Variants in DNAH6 observed in about 807,000 individuals in gnomAD.
The protein encoded by DNAH6 is axonemal beta dynein heavy chain 6.
In DNAH6, 340 loss-of-function variants were observed where a neutral mutation model predicts 491.4. The ratio of observed to expected loss-of-function variants is 0.69; its 90% CI spans 0.63 to 0.76. The LOEUF is 0.76. Among genes scored for constraint, DNAH6 ranks in the 30% least tolerant of loss-of-function variants. DNAH6 has a pLI of 0.00. For synonymous variants in DNAH6, 1,603 were observed against 1,686.1 expected (o/e 0.95, Z 1.21); for missense variants, 4,443 against 4,972.2 (o/e 0.89, Z 3.20).
the DNAH6 span, among the ~76,000 whole-genome samples, chr2:84,489,695 G>C: frequency 1.8e-5 from 2 of 112,858 alleles, no homozygotes; most frequent in Non-Finnish European, 3.9e-5. Context: ...GAACTTGCTA[G>C]AATTCACTCT....
the DNAH6 span, among the ~76,000 whole-genome samples, chr2:84,484,760 A>G: frequency 1.3e-5 from 2 of 152,198 alleles, no homozygotes; most frequent in Non-Finnish European, 2.9e-5. Flanking sequence ...GTTTAGTCAC[A>G]TCAGCAAGTC....
In DNAH6 at chr2:84,611,661, A is replaced by G; in HGVS notation, c.3295-13A>G. 6.5e-7 allele frequency: 1 copy of G among 1,545,730 alleles called. No individual in the cohort carries two copies. Among genetic ancestry groups the G allele is most frequent in the South Asian group, 1.2e-5 (1 of 83,202 alleles). ...GGAATTAAAATTTGACAGTGTCCAT[A>G]TTTTTCTCCTAGGAAGAGTGGCTGA... is the stretch of plus-strand genomic sequence containing the variant. On this transcript the variant is annotated splice_polypyrimidine_tract_variant and intron_variant, in intron 21 of 76. Transcript: ENST00000389394.
At chr2:84,810,205 T>A (rs1679826775) in intron 72 of DNAH6, among the ~76,000 whole-genome samples, 1 of 152,196 alleles carries the variant, frequency 6.6e-6, no homozygotes. Flanking sequence ...TTCATTACAT[T>A]TTTTGTAATT....
intron 12 of DNAH6, among the ~76,000 whole-genome samples, chr2:84,574,482 G>A (rs1374804770): frequency 6.6e-6 from 1 of 152,078 alleles, no homozygotes; most frequent in Admixed American, 6.6e-5. Context: ...CAGATGATTT[G>A]GCCAGGGATC....
chr2:84,642,151 C>G (rs1689477542), intron 33 of DNAH6, 97 bp downstream of exon 33: 1 of 820,590 alleles, frequency 1.2e-6, no homozygotes, highest in Admixed American at 2.8e-5. Flanking sequence ...AAGCTGAAAA[C>G]TTTCCTATCT....
At chr2:84,719,374 C>G (rs1453355739) in intron 59 of DNAH6, among the ~76,000 whole-genome samples, 1 of 152,106 alleles carries the variant, frequency 6.6e-6, no homozygotes, top group Non-Finnish European at 1.5e-5. Flanking sequence ...GTTGTACATG[C>G]CAACTCTTTA....
intron 62 of DNAH6, among the ~76,000 whole-genome samples, chr2:84,742,184 A>G (rs1253329505): frequency 6.6e-6 from 1 of 152,078 alleles, no homozygotes; most frequent in African/African-American, 2.4e-5. Context: ...CTCAAAATAC[A>G]TCTTCTAATA....
Position 84,518,024 on chromosome 2 carries a change from A to T in DNAH6, c.198A>T (p.Arg66=). The T allele has an allele frequency of 6.5e-7, 1 of 1,549,986 alleles. No homozygotes were observed. The highest frequency in any genetic ancestry group is 8.7e-7 in the Non-Finnish European group (1 of 1,146,652). Residue 66 remains arginine (R), a synonymous_variant, in exon 2 of 77, where the codon CGA becomes CGT. Transcript: ENST00000389394. ...ITKAQEKTRK[R]QQPIKLEPLP... The stretch of plus-strand genomic sequence containing the variant: ...AAGCTCAGGAGAAGACAAGAAAACG[A>T]CAGCAGCCTATAAAACTAGAGCCTT...
At chr2:84,693,429 A>G (rs1169663357) in intron 45 of DNAH6, among the ~76,000 whole-genome samples, 19 of 151,946 alleles carry the variant, frequency 1.3e-4, no homozygotes, top group Admixed American at 1.1e-3. Flanking sequence ...TCTCTCTAGT[A>G]TCATCATTGT....
At chr2:84,713,701 T>C (rs1697263476) in intron 57 of DNAH6, among the ~76,000 whole-genome samples, 1 of 152,012 alleles carries the variant, frequency 6.6e-6, no homozygotes, top group Admixed American at 6.6e-5. Context: ...GGGGCTGGGG[T>C]TGGGGGGAGG....
intron 64 of DNAH6, among the ~76,000 whole-genome samples, chr2:84,775,433 C>A (rs370473291): frequency 1.3e-5 from 2 of 152,008 alleles, no homozygotes; most frequent in African/African-American, 4.8e-5. Context: ...TGAGAATTTT[C>A]GCATCTATGT....
intron 10 of DNAH6, among the ~76,000 whole-genome samples, chr2:84,555,673 C>T (rs915396394): frequency 2.6e-5 from 4 of 152,304 alleles, no homozygotes; most frequent in African/African-American, 7.2e-5. Flanking sequence ...TTCACCTGAA[C>T]GTCCCACCAA....
chr2:84,654,533 C>T (rs1690764817), intron 34 of DNAH6, 127 bp from the exon 35 acceptor site: 1 of 1,224,694 alleles, frequency 8.2e-7, no homozygotes, highest in African/African-American at 1.5e-5. Context: ...CACTCTCTTC[C>T]ACATGAAGCC....
intron 17 of DNAH6, 44 bp downstream of exon 17, chr2:84,594,129 A>G: frequency 9.5e-7 from 1 of 1,047,610 alleles, no homozygotes. Context: ...TTTTGTATGA[A>G]TTAATCTTAA....
chr2:84,573,563 C>A lies in DNAH6; in HGVS notation c.1900C>A (p.Gln634Lys), dbSNP rs1166587280. 1 of 1,585,202 alleles carries A rather than the reference C, an allele frequency of 6.3e-7. No individual in the cohort carries two copies. The highest frequency in any genetic ancestry group is 8.5e-7 in the Non-Finnish European group (1 of 1,171,918). The stretch of plus-strand genomic sequence containing the variant: ...CAAGGAAAATGAAAGTCTTGATTTA[C>A]AAGCTCTTAAACTTCAGGAACCTGG... ...FFKENESLDL[Q>K]ALKLQEPDIN... Residue 634 changes from glutamine to lysine, a missense_variant, in exon 12 of 77, where the codon CAA (glutamine) becomes AAA (lysine). Coordinates refer to ENST00000389394, the MANE Select transcript of DNAH6 (RefSeq NM_001370.2).
chr2:84,465,363 C>T, the DNAH6 span, among the ~76,000 whole-genome samples: 10,256 of 152,076 alleles, frequency 0.067, 759 homozygotes, highest in African/African-American at 0.18. Flanking sequence ...GGTGTGGTGG[C>T]AGGCACCTGT....
intron 63 of DNAH6, among the ~76,000 whole-genome samples, chr2:84,753,284 A>T (rs963041445): frequency 6.6e-6 from 1 of 152,090 alleles, no homozygotes; most frequent in African/African-American, 2.4e-5. Context: ...CAAGTTTCTT[A>T]TCAGATATAT....
chr2:84,664,256 G>A lies in DNAH6; in HGVS notation c.6085-5033G>A, dbSNP rs985772158. 2.0e-5 allele frequency among the ~76,000 whole-genome samples: 3 copies of A among 151,756 alleles called. 1 individual carries two copies. Among genetic ancestry groups the A allele is most frequent in the African/African-American group, 4.8e-5 (2 of 41,330 alleles). Reference sequence around the variant, plus strand: ...CAAATTCACACATAACAATATTAACGTTAAATGTAAATGGGCTAAATGCTC... The same window carrying A: ...CAAATTCACACATAACAATATTAACATTAAATGTAAATGGGCTAAATGCTC... On this transcript the variant is annotated intron_variant, in intron 37 of 76. Coordinates refer to ENST00000389394, the MANE Select transcript of DNAH6 (RefSeq NM_001370.2).
chr2:84,766,656 G>C (rs1367831796), intron 64 of DNAH6, among the ~76,000 whole-genome samples: 2 of 152,110 alleles, frequency 1.3e-5, no homozygotes, highest in Non-Finnish European at 2.9e-5. Flanking sequence ...TATGTTTGAA[G>C]GTCTGGAGAA....
Sources: gnomAD v4.1 joint callset for allele counts (sites outside exome capture counted in the v4.1 genomes callset) on GRCh38, gnomAD v4.1.1 for gene constraint, MANE v1.5 for transcripts, NCBI Gene and HGNC (gene_info 2026-07-23, HGNC 2026-07-21) for gene names.